Variants in KALRN observed in about 807,000 individuals in gnomAD.
The protein encoded by KALRN is kalirin.
In KALRN, 70 loss-of-function variants were observed where a neutral mutation model predicts 353.7. The ratio of observed to expected loss-of-function variants is 0.20; its 90% confidence interval spans 0.16 to 0.24. The LOEUF (loss-of-function observed/expected upper bound fraction) is 0.24. Among genes scored for constraint, KALRN ranks in the 10% least tolerant of loss-of-function variants. The probability of loss-of-function intolerance (pLI) is 1.00; values close to 1 mark genes in which losing one functional copy is unlikely to be tolerated. For missense variants in KALRN, 2,791 were observed against 3,756.7 expected (o/e 0.74, Z 6.72); for synonymous variants, 1,391 against 1,434.8 (o/e 0.97, Z 0.69).
intron 28 of KALRN, among the ~76,000 whole-genome samples, chr3:124,487,085 TCAA>T (rs753985851): frequency 6.6e-6 from 1 of 152,182 alleles, no homozygotes. Flanking sequence ...GCACCTCCAC[TCAA>T]CATGCATCCC....
At position 124,511,455 on chromosome 3, in the gene KALRN, C is replaced by G. The variant is rs75242980; in HGVS notation, c.4935+15042C>G. On this transcript the variant is annotated intron_variant, in intron 33 of 59. Transcript: ENST00000682506. Reference sequence around the variant, plus strand: ...TCGTGGCCCTCCTTCACTCTCTATCCTCTTGCTCAAGTGACTTCCACTGGA... The same window carrying G: ...TCGTGGCCCTCCTTCACTCTCTATCGTCTTGCTCAAGTGACTTCCACTGGA... Among the ~76,000 whole-genome samples the G allele has an allele frequency of 9.9e-3, 1,515 of 152,298 alleles. 38 individuals are homozygous for G. In the East Asian group the frequency reaches 0.1, roughly 10 times the overall value.
rs1049364288 is a variant in KALRN, at chr3:124,725,357, T to C, written c.*5887T>C. On this transcript the variant is annotated 3_prime_UTR_variant, in exon 60 of 60. Coordinates refer to ENST00000682506, the MANE Select transcript of KALRN (RefSeq NM_001388419.1). Reference sequence around the variant, plus strand: ...CTATGGGGAAGGTGAGTAAAACTAGTAGTTAGAACAAATATGAAGACTGAA... The same window carrying C: ...CTATGGGGAAGGTGAGTAAAACTAGCAGTTAGAACAAATATGAAGACTGAA... 1 of 152,224 alleles carries C rather than the reference T, an allele frequency of 6.6e-6. No homozygotes were observed. The highest frequency in any genetic ancestry group is 2.4e-5 in the African/African-American group (1 of 41,460). The allele number at this position is 152,224 out of a possible 1,614,324, so 9.4% of individuals were successfully genotyped here. A position where few individuals can be genotyped will look rare whatever the true frequency, so the allele number is the denominator to read the frequency against.
At chr3:124,625,249 G>T (rs565688047) in intron 34 of KALRN, among the ~76,000 whole-genome samples, 1 of 152,284 alleles carries the variant, frequency 6.6e-6, no homozygotes, top group Non-Finnish European at 1.5e-5. Flanking sequence ...ACAGTGCCCA[G>T]TGGTGGAGCC....
chr3:124,185,786 G>A (rs1037751227), intron 1 of KALRN, among the ~76,000 whole-genome samples: 1 of 152,146 alleles, frequency 6.6e-6, no homozygotes, highest in African/African-American at 2.4e-5. Context: ...GTAGACCAAG[G>A]CCACTCAAGG....
chr3:124,215,994 C>A (rs562337300), intron 1 of KALRN, among the ~76,000 whole-genome samples: 11 of 152,156 alleles, frequency 7.2e-5, no homozygotes, highest in Admixed American at 6.5e-4. Context: ...CCTCCAATGG[C>A]GGGGGTGTCA....
At chr3:124,168,133 A>G (rs1411770864) in intron 1 of KALRN, among the ~76,000 whole-genome samples, 1 of 152,220 alleles carries the variant, frequency 6.6e-6, no homozygotes, top group Non-Finnish European at 1.5e-5. Context: ...AAACAACTGC[A>G]GGGAGTTCCT....
chr3:124,605,586 A>AAGAGAGAGAGAGAGAGAGAG (rs1161536035), intron 34 of KALRN, among the ~76,000 whole-genome samples: 1 of 142,334 alleles, frequency 7.0e-6, no homozygotes, highest in Admixed American at 7.0e-5. Context: ...AAAAAAAAAA[A>AAGAGAGAGAGAGAGAGAGAG]AGAGAGAGAG....
At chr3:124,083,714 AG>A (rs1352771800) in intron 1 of KALRN, among the ~76,000 whole-genome samples, 4 of 152,346 alleles carry the variant, frequency 2.6e-5, no homozygotes, top group African/African-American at 9.6e-5. Context: ...GCGGAGCCTT[AG>A]TGGTGACAAA....
chr3:124,427,251 A>C (rs1186255638), intron 15 of KALRN, among the ~76,000 whole-genome samples: 1 of 152,232 alleles, frequency 6.6e-6, no homozygotes, highest in Non-Finnish European at 1.5e-5. Context: ...CGGTCTATAA[A>C]ACCATGAAGG....
At chr3:124,192,338 T>C (rs1234137485) in intron 1 of KALRN, among the ~76,000 whole-genome samples, 2 of 151,822 alleles carry the variant, frequency 1.3e-5, no homozygotes, top group African/African-American at 4.8e-5. Flanking sequence ...ATTAAACTCA[T>C]GAACATAGAG....
intron 33 of KALRN, among the ~76,000 whole-genome samples, chr3:124,536,536 G>A (rs1434642273): frequency 6.6e-6 from 1 of 152,174 alleles, no homozygotes. Flanking sequence ...AAAATTGCTA[G>A]TAGCAATCCA....
chr3:124,722,022 C>G lies in KALRN; in HGVS notation c.*2552C>G, dbSNP rs925641601. On this transcript the variant is annotated 3_prime_UTR_variant, in exon 60 of 60. Coordinates refer to ENST00000682506, the MANE Select transcript of KALRN (RefSeq NM_001388419.1). ...GGACAAACTGTAGGCTCTGAGGATT[C>G]CCAATATCCATAAAGTCCAGCTTGG... is the stretch of plus-strand genomic sequence containing the variant. 1 of 152,172 alleles carries G rather than the reference C, an allele frequency of 6.6e-6. No homozygotes were observed. Among genetic ancestry groups the G allele is most frequent in the Non-Finnish European group, 1.5e-5 (1 of 68,058 alleles). 9.4% of individuals were successfully genotyped at this position (152,172 alleles called of 1,614,324 possible).
chr3:124,546,811 G>T (rs2069729356), intron 33 of KALRN, among the ~76,000 whole-genome samples: 1 of 152,182 alleles, frequency 6.6e-6, no homozygotes, highest in Admixed American at 6.5e-5. Flanking sequence ...ATGCAGTTTA[G>T]GAAGGTCTTA....
chr3:124,719,008 T>C lies in KALRN; in HGVS notation c.8499T>C (p.Gly2833=). 6.2e-7 allele frequency: 1 copy of C among 1,614,074 alleles called. No individual in the cohort carries two copies. Among genetic ancestry groups the C allele is most frequent in the Non-Finnish European group, 8.5e-7 (1 of 1,180,010 alleles). The change falls in exon 60 of 60, where the codon GGT becomes GGC. Residue 2833 remains glycine, a synonymous_variant. Transcript: ENST00000682506. This position sits in a 1 kb window ranked among gnomAD's most constrained non-coding sequence, Gnocchi z 5.3. ...IDLEDAVQIS[G]HFHIHHLLGN... is the part of the protein sequence containing the mutation. The stretch of plus-strand genomic sequence containing the variant: ...TGGAGGATGCTGTCCAGATCTCGGG[T>C]CACTTCCACATTCACCACCTGCTGG...
intron 34 of KALRN, among the ~76,000 whole-genome samples, chr3:124,604,557 A>G (rs148523034): frequency 0.01 from 1,548 of 152,320 alleles, 31 homozygotes; most frequent in African/African-American, 0.035. Context: ...CCTTAAAATA[A>G]ATTATTCCAC....
intron 1 of KALRN, among the ~76,000 whole-genome samples, chr3:124,045,102 T>C (rs544505312): frequency 1.9e-3 from 285 of 152,022 alleles, no homozygotes; most frequent in Non-Finnish European, 3.2e-3. Context: ...GGGCACAATA[T>C]TGAGTTGGCA....
Position 124,349,454 on chromosome 3 carries a change from T to G in KALRN, c.1770+2189T>G, listed in dbSNP as rs894878605. ...TTTCTTAAAACATTATGATTTTTTT[T>G]GCAATTTTTTTTTAGCTCATCAGCT... On this transcript the variant is annotated intron_variant, in intron 10 of 59. Transcript: ENST00000682506. Among the ~76,000 whole-genome samples, 3 of 151,806 alleles carry G rather than the reference T, an allele frequency of 2.0e-5. No individual in the cohort carries two copies. In the Admixed American group the frequency reaches 2.0e-4, roughly 10 times the overall value.
intron 51 of KALRN, among the ~76,000 whole-genome samples, chr3:124,692,835 C>T (rs1328875664): frequency 2.0e-5 from 3 of 152,188 alleles, no homozygotes; most frequent in South Asian, 2.1e-4. Flanking sequence ...AACAGATGAC[C>T]TCAGCCTATC....
chr3:124,217,546 C>G (rs567866562), intron 1 of KALRN, among the ~76,000 whole-genome samples: 1 of 152,098 alleles, frequency 6.6e-6, no homozygotes, highest in Non-Finnish European at 1.5e-5. Context: ...CCAAAAAAAC[C>G]TCTCTTCTGT....
Sources: gnomAD v4.1 joint callset for allele counts (sites outside exome capture counted in the v4.1 genomes callset) on GRCh38, gnomAD v4.1.1 for gene constraint, Gnocchi (gnomAD v3.1) non-coding constraint, MANE v1.5 for transcripts, NCBI Gene and HGNC (gene_info 2026-07-23, HGNC 2026-07-21) for gene names.